Variants in CATSPERB observed in about 807,000 individuals in gnomAD.
CATSPERB encodes the protein catsper channel auxiliary subunit beta.
CATSPERB carries 93 observed loss-of-function variants against 128.3 expected under a neutral mutation model. That is an observed-to-expected ratio of 0.72 (90% CI 0.61 to 0.86). The LOEUF is 0.86. Among genes scored for constraint, CATSPERB ranks in the 40% least tolerant of loss-of-function variants. The pLI is 0.00. For missense variants in CATSPERB, 1,153 were observed against 1,329.5 expected (o/e 0.87, Z 2.06); for synonymous variants, 381 against 448.8 (o/e 0.85, Z 1.91).
At chr14:91,639,987 T>A (rs957356802) in intron 15 of CATSPERB, among the ~76,000 whole-genome samples, 2 of 152,182 alleles carry the variant, frequency 1.3e-5, no homozygotes, top group Non-Finnish European at 2.9e-5. Context: ...TTTAGGATTT[T>A]AAATCCATCT....
Position 91,669,929 on chromosome 14 carries a change from T to C in CATSPERB, c.1172A>G (p.Asn391Ser). 6.2e-7 allele frequency: 1 copy of C among 1,613,554 alleles called. No individual in the cohort carries two copies. Among genetic ancestry groups the C allele is most frequent in the Non-Finnish European group, 8.5e-7 (1 of 1,179,816 alleles). The change falls in exon 14 of 27, where the codon AAT (asparagine) becomes AGT (serine). Residue 391 changes from asparagine (N) to serine (S), a missense_variant. Transcript: ENST00000256343. ...AIASVSTLRNNEPNSQSKFPI... is the reference protein window; with the variant it reads ...AIASVSTLRNSEPNSQSKFPI... Reference sequence around the variant, plus strand: ...AAATTTTGATTGTGAATTTGGTTCATTATTTCTCAGGGTGCTCACAGAGGC... The same window carrying C: ...AAATTTTGATTGTGAATTTGGTTCACTATTTCTCAGGGTGCTCACAGAGGC...
At chr14:91,616,640 TAA>T (rs745907706) in intron 20 of CATSPERB, among the ~76,000 whole-genome samples, 2 of 151,476 alleles carry the variant, frequency 1.3e-5, no homozygotes, top group African/African-American at 4.8e-5. Flanking sequence ...ACAATTTCAA[TAA>T]GTCTATCATA....
intron 11 of CATSPERB, among the ~76,000 whole-genome samples, chr14:91,679,284 A>G (rs1198907884): frequency 6.6e-6 from 1 of 152,190 alleles, no homozygotes; most frequent in Non-Finnish European, 1.5e-5. Flanking sequence ...AGTTATTAAA[A>G]ATAAAAATAC....
intron 4 of CATSPERB, among the ~76,000 whole-genome samples, chr14:91,722,253 C>T (rs926334706): frequency 6.6e-6 from 1 of 152,128 alleles, no homozygotes; most frequent in Non-Finnish European, 1.5e-5. Context: ...TTCACAGCAG[C>T]ATTATTCAGA....
At chr14:91,626,336 T>C (rs543082439) in intron 17 of CATSPERB, among the ~76,000 whole-genome samples, 1 of 148,728 alleles carries the variant, frequency 6.7e-6, no homozygotes, top group East Asian at 2.0e-4. Context: ...CAATTTCCAA[T>C]GCAAGAGTGT....
At chr14:91,632,948 T>G (rs1434131166) in intron 17 of CATSPERB, among the ~76,000 whole-genome samples, 1 of 152,162 alleles carries the variant, frequency 6.6e-6, no homozygotes, top group Non-Finnish European at 1.5e-5. Context: ...TTTTTATTAC[T>G]AGAGATGGGG....
intron 4 of CATSPERB, among the ~76,000 whole-genome samples, chr14:91,722,132 T>C (rs1345011161): frequency 6.6e-6 from 1 of 152,192 alleles, no homozygotes; most frequent in Non-Finnish European, 1.5e-5. Flanking sequence ...AGTCTGGCAT[T>C]TTCTCAAAAG....
chr14:91,612,052 C>G (rs1204646439), intron 20 of CATSPERB, among the ~76,000 whole-genome samples: 9 of 115,376 alleles, frequency 7.8e-5, no homozygotes, highest in Admixed American at 2.1e-4. Flanking sequence ...TTCTTTCTTT[C>G]TTTCTTTCTT....
chr14:91,693,840 A>G (rs1029700761), intron 7 of CATSPERB, among the ~76,000 whole-genome samples: 6 of 152,148 alleles, frequency 3.9e-5, no homozygotes, highest in Admixed American at 6.5e-5. Flanking sequence ...CCTGAAGGCA[A>G]TTGAGAATCA....
chr14:91,720,512 GA>G (rs1896010384), intron 4 of CATSPERB, among the ~76,000 whole-genome samples: 1 of 151,528 alleles, frequency 6.6e-6, no homozygotes, highest in Non-Finnish European at 1.5e-5. Context: ...TAAAATATTA[GA>G]AATAAATTTA....
rs41299187 is a variant in CATSPERB, at chr14:91,625,221, C to A, written c.1743-214G>T. On this transcript the variant is annotated intron_variant, in intron 17 of 26. Coordinates refer to ENST00000256343, the MANE Select transcript of CATSPERB (RefSeq NM_024764.4). ...AAAATTAGCGAAGATCTTTAAATGA[C>A]AGGGTTCAGTAGTGGTGGGAATTGA... 0.07 allele frequency among the ~76,000 whole-genome samples: 10,655 copies of A among 152,192 alleles called. 420 individuals carry two copies. The highest frequency in any genetic ancestry group is 0.19 in the Middle Eastern group (55 of 294).
intron 22 of CATSPERB, chr14:91,605,252 G>A (rs1893678521): frequency 7.1e-7 from 1 of 1,400,684 alleles, no homozygotes; most frequent in Non-Finnish European, 1.0e-6. Context: ...AGGTGTAAGT[G>A]AAGAGTCTTT....
intron 17 of CATSPERB, among the ~76,000 whole-genome samples, chr14:91,630,036 C>T (rs1894245564): frequency 6.6e-6 from 1 of 152,212 alleles, no homozygotes; most frequent in East Asian, 1.9e-4. Context: ...CTGATCCCTT[C>T]CACTCCATGC....
intron 17 of CATSPERB, among the ~76,000 whole-genome samples, chr14:91,628,274 G>C (rs1054175261): frequency 1.3e-5 from 2 of 152,050 alleles, no homozygotes; most frequent in Admixed American, 1.3e-4. Flanking sequence ...ATGGTTCTGG[G>C]TTGGCATAAT....
intron 11 of CATSPERB, among the ~76,000 whole-genome samples, chr14:91,681,930 A>G (rs1895287869): frequency 6.6e-6 from 1 of 152,254 alleles, no homozygotes; most frequent in Non-Finnish European, 1.5e-5. Context: ...GCTGTATTAA[A>G]GAAAAAAAAC....
intron 18 of CATSPERB, among the ~76,000 whole-genome samples, chr14:91,622,916 T>G (rs1343823760): frequency 7.0e-6 from 1 of 143,338 alleles, no homozygotes; most frequent in Admixed American, 7.2e-5. Flanking sequence ...TTTTTTGATA[T>G]GGAGTTTCGC....
At chr14:91,601,144 T>C (rs1893601930) in intron 22 of CATSPERB, among the ~76,000 whole-genome samples, 1 of 152,202 alleles carries the variant, frequency 6.6e-6, no homozygotes, top group South Asian at 2.1e-4. Flanking sequence ...TTTTTGATAC[T>C]TCCTTTAAAC....
At chr14:91,640,402 A>T (rs371712544) in intron 15 of CATSPERB, among the ~76,000 whole-genome samples, 39 of 47,816 alleles carry the variant, frequency 8.2e-4, no homozygotes, top group East Asian at 1.4e-3. Context: ...CCCTCCCCCC[A>T]CCCCACCACA....
chr14:91,655,348 A>AAAT (rs1894769135), intron 15 of CATSPERB, among the ~76,000 whole-genome samples: 1 of 152,264 alleles, frequency 6.6e-6, no homozygotes. Flanking sequence ...ATAAGGCACC[A>AAAT]GAGACCGATC....
Sources: allele counts gnomAD v4.1 joint callset (sites outside exome capture counted in the v4.1 genomes callset), GRCh38; gene constraint gnomAD v4.1.1; transcripts MANE v1.5; gene names NCBI Gene and HGNC (gene_info 2026-07-23, HGNC 2026-07-21).